CTNNA1: variants seen among roughly 807,000 people sequenced by gnomAD.
CTNNA1 encodes catenin alpha 1, also known as catenin alpha-1.
Under a neutral mutation model 98.4 loss-of-function variants are expected in CTNNA1, and 37 were observed. That is an observed-to-expected ratio of 0.38 (90% CI 0.29 to 0.49). The LOEUF (loss-of-function observed/expected upper bound fraction) is 0.49. Ranked by LOEUF, CTNNA1 falls within the 20% of genes least tolerant of loss-of-function variation. The pLI is 0.95. For synonymous variants in CTNNA1, 404 were observed against 413.2 expected, an observed-to-expected ratio of 0.98 and a Z score of 0.27; for missense variants, 761 against 1,147.2, an observed-to-expected ratio of 0.66 and a Z score of 4.86.
chr5:138,805,987 C>T (rs1758045091), intron 3 of CTNNA1, among the ~76,000 whole-genome samples: 1 of 152,104 alleles, frequency 6.6e-6, no homozygotes, highest in Admixed American at 6.6e-5. Flanking sequence ...GTCATGAAGA[C>T]TTACACCAGT....
At chr5:138,845,579 G>C (rs554120538) in intron 7 of CTNNA1, among the ~76,000 whole-genome samples, 1 of 152,242 alleles carries the variant, frequency 6.6e-6, no homozygotes, top group East Asian at 1.9e-4. Flanking sequence ...TTGTTGGTAG[G>C]TGCGAAGCAG....
At chr5:138,904,549 G>C in intron 10 of CTNNA1, 108 bp downstream of exon 10, 1 of 1,390,018 alleles carries the variant, frequency 7.2e-7, no homozygotes, top group Non-Finnish European at 9.8e-7. Context: ...ATTTTAGATG[G>C]AAGTCTTGGG....
Position 138,932,652 on chromosome 5 carries a change from C to T in CTNNA1, c.2373C>T (p.Asn791=), listed in dbSNP as rs754714318. 1 of 1,614,210 alleles carries T rather than the reference C, an allele frequency of 6.2e-7. No individual in the cohort carries two copies. The highest frequency in any genetic ancestry group is 1.1e-5 in the South Asian group (1 of 91,088). Residue 791 remains asparagine, a synonymous_variant, in exon 17 of 18, where the codon AAC becomes AAT. Coordinates refer to ENST00000302763, the MANE Select transcript of CTNNA1 (RefSeq NM_001903.5). ...QRIALYCHQL[N]ICSKVKAEVQ... is the part of the protein sequence containing the mutation. The stretch of plus-strand genomic sequence containing the variant: ...TCGCCCTCTACTGCCACCAGCTGAA[C>T]ATCTGCAGCAAGGTCAAGGCCGAGG...
intron 9 of CTNNA1, among the ~76,000 whole-genome samples, chr5:138,901,796 A>G (rs1049602535): frequency 2.0e-5 from 3 of 152,216 alleles, no homozygotes; most frequent in African/African-American, 7.2e-5. Context: ...CCACAGAAAG[A>G]GGCATTTAGG....
intron 10 of CTNNA1, among the ~76,000 whole-genome samples, chr5:138,915,181 T>C (rs1233359022): frequency 6.6e-6 from 1 of 152,040 alleles, no homozygotes; most frequent in Non-Finnish European, 1.5e-5. Context: ...TACATTTACT[T>C]CTAATAACCC....
intron 7 of CTNNA1, among the ~76,000 whole-genome samples, chr5:138,843,315 CATA>C (rs547077004): frequency 1.7e-3 from 266 of 152,136 alleles, no homozygotes; most frequent in African/African-American, 5.1e-3. Flanking sequence ...AGAAAAAACT[CATA>C]ATAATTTTTT....
intron 7 of CTNNA1, among the ~76,000 whole-genome samples, chr5:138,832,408 A>G (rs1378327349): frequency 6.6e-6 from 1 of 152,196 alleles, no homozygotes; most frequent in African/African-American, 2.4e-5. Context: ...CCTTGAAATG[A>G]AATGTGGTTA....
At chr5:138,902,451 G>T (rs1453625089) in intron 9 of CTNNA1, among the ~76,000 whole-genome samples, 1 of 152,148 alleles carries the variant, frequency 6.6e-6, no homozygotes, top group South Asian at 2.1e-4. Context: ...ACGGAGTCTC[G>T]CTCTGTCGCC....
chr5:138,932,799 C>A, intron 17 of CTNNA1, 87 bp downstream of exon 17: 3 of 1,514,682 alleles, frequency 2.0e-6, no homozygotes, highest in Non-Finnish European at 2.7e-6. Flanking sequence ...CGCATAAACA[C>A]CTGCCCTGGG....
At chr5:138,800,664 A>G (rs896455563) in intron 3 of CTNNA1, among the ~76,000 whole-genome samples, 4 of 152,142 alleles carry the variant, frequency 2.6e-5, no homozygotes, top group Non-Finnish European at 5.9e-5. Flanking sequence ...TTAGCCAGGC[A>G]TGGTGGCGCA....
chr5:138,859,155 AT>A (rs1764031478), intron 7 of CTNNA1, among the ~76,000 whole-genome samples: 3 of 152,166 alleles, frequency 2.0e-5, no homozygotes, highest in African/African-American at 7.2e-5. Flanking sequence ...TTCCTTTGAT[AT>A]GTCGTTTCCA....
chr5:138,905,814 G>T (rs760086478), intron 10 of CTNNA1, among the ~76,000 whole-genome samples: 2 of 152,194 alleles, frequency 1.3e-5, no homozygotes, highest in African/African-American at 2.4e-5. Flanking sequence ...TTCAGTAGAA[G>T]AGGTTTCCTC....
In CTNNA1 at chr5:138,886,283, G is replaced by A; in HGVS notation, c.1134G>A (p.Leu378=). The A allele has an allele frequency of 6.2e-7, 1 of 1,603,474 alleles. No individual in the cohort carries two copies. Among genetic ancestry groups the A allele is most frequent in the Admixed American group, 1.8e-5 (1 of 56,882 alleles). The change falls in exon 8 of 18, where the codon TTG becomes TTA. Residue 378 remains leucine, a synonymous_variant. Coordinates refer to ENST00000302763, the MANE Select transcript of CTNNA1 (RefSeq NM_001903.5). Reference sequence around the variant, plus strand: ...AAATGACCAAGAAGACCAGGGACTTGCGTAGACAGGTAATCTGGATGAAAG... The same window carrying A: ...AAATGACCAAGAAGACCAGGGACTTACGTAGACAGGTAATCTGGATGAAAG... ...IDKMTKKTRD[L]RRQLRKAVMD...
At chr5:138,931,246 G>C (rs1441007761) in intron 16 of CTNNA1, among the ~76,000 whole-genome samples, 1 of 152,168 alleles carries the variant, frequency 6.6e-6, no homozygotes, top group Non-Finnish European at 1.5e-5. Flanking sequence ...TGGAAGGCTG[G>C]TGTGCCTAGA....
At chr5:138,923,764 C>T (rs1317291384) in intron 11 of CTNNA1, among the ~76,000 whole-genome samples, 2 of 152,162 alleles carry the variant, frequency 1.3e-5, no homozygotes, top group Non-Finnish European at 2.9e-5. Flanking sequence ...CGAGCAAACC[C>T]TTTGTGGTGG....
intron 7 of CTNNA1, among the ~76,000 whole-genome samples, chr5:138,831,664 T>C (rs1761289892): frequency 6.6e-6 from 1 of 152,192 alleles, no homozygotes; most frequent in Non-Finnish European, 1.5e-5. Context: ...TTACATTATT[T>C]CTTTGGTGCT....
At chr5:138,769,107 G>A (rs1182159447) in intron 1 of CTNNA1, among the ~76,000 whole-genome samples, 2 of 151,920 alleles carry the variant, frequency 1.3e-5, no homozygotes, top group African/African-American at 2.4e-5. Flanking sequence ...TGCCCAGGCT[G>A]GTCTGGAACT....
intron 3 of CTNNA1, chr5:138,790,800 C>G (rs1388345425): frequency 6.6e-6 from 1 of 152,174 alleles, no homozygotes; most frequent in East Asian, 1.9e-4. Flanking sequence ...CTGAACAGAG[C>G]AAGGATTGAT....
In CTNNA1 at chr5:138,789,848, G is replaced by GT. The variant is rs1263764777; in HGVS notation, c.301+6477dup. ...TGGTTCAGGTCCCATATGCTTGAAT[G>GT]TATCAAGTGACACAGGACTCACTCA... On this transcript the variant is annotated intron_variant, in intron 3 of 17. Transcript: ENST00000302763. 4.6e-5 allele frequency among the ~76,000 whole-genome samples: 7 copies of GT among 152,322 alleles called. No homozygotes were observed. The South Asian group carries it at 6.2e-4, about 14-fold the overall frequency.
Sources: allele counts gnomAD v4.1 joint callset (sites outside exome capture counted in the v4.1 genomes callset), GRCh38; gene constraint gnomAD v4.1.1; transcripts MANE v1.5; gene names NCBI Gene and HGNC (gene_info 2026-07-23, HGNC 2026-07-21).